Variants in CTNND1 observed in about 807,000 individuals in gnomAD.
CTNND1 encodes the protein catenin delta-1.
A neutral mutation model predicts 112.1 loss-of-function variants in CTNND1; 16 were observed. That is an observed-to-expected ratio of 0.14 (90% CI 0.10 to 0.22). The LOEUF is 0.22. Ranked by LOEUF, CTNND1 falls within the 10% of genes least tolerant of loss-of-function variation. The pLI is 1.00. For synonymous variants in CTNND1, 420 were observed against 446.5 expected, an observed-to-expected ratio of 0.94 and a Z score of 0.75; for missense variants, 1,008 against 1,257.0, an observed-to-expected ratio of 0.80 and a Z score of 3.00.
At chr11:57,778,117 A>G (rs2059201680) in intron 1 of CTNND1, among the ~76,000 whole-genome samples, 1 of 151,738 alleles carries the variant, frequency 6.6e-6, no homozygotes, top group African/African-American at 2.4e-5. Flanking sequence ...CTTCTGTGCA[A>G]TTCCTAGTGG....
intron 3 of CTNND1, 151 bp from the exon 4 acceptor site, chr11:57,793,859 G>GA: frequency 1.4e-6 from 1 of 689,764 alleles, no homozygotes; most frequent in South Asian, 1.8e-5. Context: ...ACTAAAGAGT[G>GA]AATGGTTCTT....
At chr11:57,776,228 G>A (rs1355359406) in intron 1 of CTNND1, among the ~76,000 whole-genome samples, 4 of 152,296 alleles carry the variant, frequency 2.6e-5, no homozygotes, top group Admixed American at 2.0e-4. Flanking sequence ...TTTGAACTGA[G>A]GTCTCAGGAG....
chr11:57,809,538 C>A, intron 15 of CTNND1, 72 bp downstream of exon 15: 1 of 1,373,474 alleles, frequency 7.3e-7, no homozygotes, highest in Non-Finnish European at 1.0e-6. Flanking sequence ...CTTTTGGTTA[C>A]TAAGAAAGGA....
At position 57,809,472 on chromosome 11, in the gene CTNND1, C is replaced by G. The variant is rs201388462; in HGVS notation, c.2435+6C>G. On this transcript the variant is annotated splice_donor_region_variant and intron_variant, in intron 15 of 20. Coordinates refer to ENST00000399050, the MANE Select transcript of CTNND1 (RefSeq NM_001085458.2). The stretch of plus-strand genomic sequence containing the variant: ...GTGTTGATCAACAAATCAGGGTGAG[C>G]TTACCACCTAAAATTACAGTCAAAA... 9.3e-4 allele frequency: 1,483 copies of G among 1,602,082 alleles called. No homozygotes were observed. Among genetic ancestry groups the G allele is most frequent in the Non-Finnish European group, 1.2e-3 (1,403 of 1,173,212 alleles).
rs754310281 is a variant in CTNND1, at chr11:57,808,397, G to A, written c.2099G>A (p.Arg700Gln). ...TTCTATTTGCTATTCTAGTATGGTC[G>A]ATACATCCGCTCTGCTCTGCGTCAA... ...NLCAGRWTYG[R>Q]YIRSALRQEK... is the part of the protein sequence containing the mutation. The change falls in exon 14 of 21, where the codon CGA (arginine) becomes CAA (glutamine). Residue 700 changes from arginine to glutamine, a missense_variant. Arg to Gln is a conservative substitution (Grantham distance 43). Around this residue, in one of 5 missense-constraint regions of CTNND1, gnomAD observed 254 missense variants for 279.5 expected, o/e 0.91. Transcript: ENST00000399050. 3.7e-6 allele frequency: 6 copies of A among 1,605,670 alleles called. No homozygotes were observed. The highest frequency in any genetic ancestry group is 5.1e-6 in the Non-Finnish European group (6 of 1,173,948).
intron 2 of CTNND1, among the ~76,000 whole-genome samples, chr11:57,790,682 C>G (rs1452095271): frequency 6.6e-6 from 1 of 151,826 alleles, no homozygotes; most frequent in Non-Finnish European, 1.5e-5. Flanking sequence ...CTCAGCCTCC[C>G]GAGTAGCTGG....
At chr11:57,815,636 G>A in intron 19 of CTNND1, 136 bp downstream of exon 19, 1 of 861,624 alleles carries the variant, frequency 1.2e-6, no homozygotes, top group Non-Finnish European at 2.0e-6. Flanking sequence ...AAAAGTAAGA[G>A]TTCTGACTCA....
At position 57,796,600 on chromosome 11, in the gene CTNND1, G is replaced by A. The variant is rs1331398003; in HGVS notation, c.564G>A (p.Gly188=). ...GTGATTTCCGCAAGAATGGCAATGGGGGACCTGGTCCCTATGTGGGGCAAG... is the reference window on the plus strand; with the variant it reads ...GTGATTTCCGCAAGAATGGCAATGGAGGACCTGGTCCCTATGTGGGGCAAG... ...LGRDFRKNGN[G]GPGPYVGQAG... The change falls in exon 6 of 21, where the codon GGG becomes GGA. Residue 188 remains glycine, a synonymous_variant. Coordinates refer to ENST00000399050, the MANE Select transcript of CTNND1 (RefSeq NM_001085458.2). The A allele has an allele frequency of 3.1e-6, 5 of 1,613,858 alleles. No homozygotes were observed. In the Admixed American group the frequency reaches 8.3e-5, roughly 27 times the overall value.
intron 7 of CTNND1, among the ~76,000 whole-genome samples, chr11:57,803,014 C>T (rs1365671249): frequency 6.6e-6 from 1 of 152,166 alleles, no homozygotes; most frequent in Non-Finnish European, 1.5e-5. Context: ...GACAGCTCCT[C>T]ATAACAAAGA....
rs2064054527 is a variant in CTNND1 at position 57,817,722 on chromosome 11, G to GAGTTACAGGGA, written c.*1418_*1428dup. 6.6e-6 allele frequency: 1 copy of GAGTTACAGGGA among 152,586 alleles called. No homozygotes were observed. The highest frequency in any genetic ancestry group is 1.5e-5 in the Non-Finnish European group (1 of 68,050). 9.5% of individuals were successfully genotyped at this position (152,586 alleles called of 1,614,324 possible). ...CCAGAATTTACCATCATCTCTGAAG[G>GAGTTACAGGGA]AGTTACAGGGAAGTGGTCTCCCCAA... On this transcript the variant is annotated 3_prime_UTR_variant, in exon 21 of 21. Transcript: ENST00000399050.
intron 4 of CTNND1, among the ~76,000 whole-genome samples, chr11:57,795,050 C>T (rs981489386): frequency 6.6e-6 from 1 of 151,976 alleles, no homozygotes; most frequent in Admixed American, 6.6e-5. Context: ...TAAAATTAGC[C>T]AGGCATGGTG....
chr11:57,788,911 A>G lies in CTNND1; in HGVS notation c.-213-126A>G. 5.3e-6 allele frequency: 4 copies of G among 748,372 alleles called. No individual in the cohort carries two copies. Among genetic ancestry groups the G allele is most frequent in the Non-Finnish European group, 9.1e-6 (4 of 440,780 alleles). The allele number at this position is 748,372 out of a possible 1,614,324, so 46.4% of individuals were successfully genotyped here. The stretch of plus-strand genomic sequence containing the variant: ...TAAAGGGCACTTGTCACATTAAGCA[A>G]TTCCAAGTCATATTTTAAATTACTT... On this transcript the variant is annotated intron_variant, in intron 1 of 20. Transcript: ENST00000399050. The surrounding 1 kb of genome is among the most constrained non-coding windows in gnomAD (Gnocchi z 4.1).
chr11:57,762,047 G>A lies in CTNND1; in HGVS notation c.-286G>A. 2 of 985,458 alleles carry A rather than the reference G, an allele frequency of 2.0e-6. No individual in the cohort carries two copies. Among genetic ancestry groups the A allele is most frequent in the Non-Finnish European group, 2.4e-6 (2 of 829,936 alleles). 61.0% of individuals were successfully genotyped at this position (985,458 alleles called of 1,614,324 possible). A position where few individuals can be genotyped will look rare whatever the true frequency, so the allele number is the denominator to read the frequency against. ...TGATTTTTAGAACTCCACATTTGAG[G>A]TGTGTGGCTTTTGAAGAAAATGTAT... On this transcript the variant is annotated 5_prime_UTR_variant, in exon 1 of 21. The change creates a new upstream start codon in the 5' untranslated region. Coordinates refer to ENST00000399050, the MANE Select transcript of CTNND1 (RefSeq NM_001085458.2).
chr11:57,815,663 G>A, intron 19 of CTNND1, 163 bp downstream of exon 19: 2 of 813,758 alleles, frequency 2.5e-6, no homozygotes, highest in Non-Finnish European at 4.3e-6. Context: ...GATTTCTTGG[G>A]CCGTTATTCT....
chr11:57,790,552 GTTTTTTT>G (rs150149378), intron 2 of CTNND1, among the ~76,000 whole-genome samples: 2 of 60,666 alleles, frequency 3.3e-5, no homozygotes, highest in South Asian at 1.4e-3. Context: ...CTGTGTGTGT[GTTTTTTT>G]TTTTTTTTTT....
chr11:57,774,949 G>A (rs1319863413), intron 1 of CTNND1, among the ~76,000 whole-genome samples: 5 of 151,640 alleles, frequency 3.3e-5, no homozygotes, highest in Non-Finnish European at 7.4e-5. Context: ...CTGACCTCAG[G>A]TGATCTGCCT....
rs897914141 is a variant in CTNND1 at position 57,808,441 on chromosome 11, A to C, written c.2143A>C (p.Ile715Leu). 5.6e-6 allele frequency: 9 copies of C among 1,612,760 alleles called. No homozygotes were observed. The highest frequency in any genetic ancestry group is 7.6e-6 in the Non-Finnish European group (9 of 1,179,278). The change falls in exon 14 of 21, where the codon ATA becomes CTA. Residue 715 changes from isoleucine (I) to leucine (L), a missense_variant. Ile to Leu is a conservative substitution (Grantham distance 5). This residue lies in a region of CTNND1 where 254 missense variants were observed against 279.5 expected (regional missense o/e 0.91). Coordinates refer to ENST00000399050, the MANE Select transcript of CTNND1 (RefSeq NM_001085458.2). ...ALRQEKALSAIADLLTNEHER... is the reference protein window; with the variant it reads ...ALRQEKALSALADLLTNEHER... ...GCGTCAAGAGAAGGCTCTTTCTGCC[A>C]TAGCTGACCTCCTGACTAATGAACA...
At chr11:57,815,627 AAAGT>A in intron 19 of CTNND1, 127 bp downstream of exon 19, 1 of 901,434 alleles carries the variant, frequency 1.1e-6, no homozygotes, top group Non-Finnish European at 1.9e-6. Context: ...TTTTCAGGAA[AAAGT>A]AAGAGTTCTG....
intron 17 of CTNND1, 56 bp downstream of exon 17, chr11:57,811,542 G>A: frequency 3.4e-6 from 4 of 1,186,998 alleles, no homozygotes; most frequent in Non-Finnish European, 4.9e-6. Context: ...TGTTCTAGGT[G>A]GCTTACTAAG....
Sources: allele counts gnomAD v4.1 joint callset (sites outside exome capture counted in the v4.1 genomes callset), GRCh38; gene constraint gnomAD v4.1.1; regional missense constraint gnomAD v4.1.1; non-coding constraint Gnocchi (gnomAD v3.1); transcripts MANE v1.5; gene names NCBI Gene and HGNC (gene_info 2026-07-23, HGNC 2026-07-21).